The following NCOA2 variants were observed in gnomAD, a reference collection of about 807,000 sequenced individuals.
The protein encoded by NCOA2 is nuclear receptor coactivator 2.
In NCOA2, 21 loss-of-function variants were observed where a neutral mutation model predicts 145.1. The ratio of observed to expected loss-of-function variants is 0.14; its 90% CI spans 0.10 to 0.21. NCOA2 has a LOEUF of 0.21. Ranked by LOEUF, NCOA2 falls within the 10% of genes least tolerant of loss-of-function variation. The pLI, the probability that NCOA2 is intolerant of heterozygous loss-of-function variation, is 1.00. For missense variants in NCOA2, 1,472 were observed against 1,837.6 expected, an observed-to-expected ratio of 0.80 and a Z score of 3.64; for synonymous variants, 619 against 637.5, an observed-to-expected ratio of 0.97 and a Z score of 0.44.
At chr8:70,360,888 A>C (rs912237362) in intron 1 of NCOA2, among the ~76,000 whole-genome samples, 4 of 151,252 alleles carry the variant, frequency 2.6e-5, no homozygotes, top group Non-Finnish European at 5.9e-5. Flanking sequence ...CAGTGAGCCA[A>C]GATCACACCA....
At chr8:70,309,397 G>A (rs1828132981) in intron 1 of NCOA2, among the ~76,000 whole-genome samples, 1 of 148,996 alleles carries the variant, frequency 6.7e-6, no homozygotes, top group African/African-American at 2.5e-5. Flanking sequence ...ATCTCGGGCA[G>A]ACAAGCTGGA....
chr8:70,320,956 TTTA>T (rs1313159327), intron 1 of NCOA2, among the ~76,000 whole-genome samples: 2 of 152,138 alleles, frequency 1.3e-5, no homozygotes, highest in Non-Finnish European at 2.9e-5. Flanking sequence ...TTGAAATCCT[TTTA>T]TTATCACACT....
At chr8:70,144,963 C>A in intron 12 of NCOA2, 115 bp from the exon 13 acceptor site, 1 of 867,328 alleles carries the variant, frequency 1.2e-6, no homozygotes, top group Non-Finnish European at 1.8e-6. Flanking sequence ...TGTCAGGGAC[C>A]AACTACCTAG....
intron 1 of NCOA2, among the ~76,000 whole-genome samples, chr8:70,305,033 T>C (rs899768236): frequency 1.7e-4 from 26 of 150,674 alleles, no homozygotes; most frequent in Admixed American, 1.5e-3. Flanking sequence ...CTGATTTTCA[T>C]ATTTATTTAT....
At chr8:70,284,262 G>C (rs1202632154) in intron 2 of NCOA2, among the ~76,000 whole-genome samples, 2 of 152,118 alleles carry the variant, frequency 1.3e-5, no homozygotes, top group African/African-American at 4.8e-5. Flanking sequence ...GCCCTCCTTG[G>C]ATACAAATTT....
At chr8:70,430,485 C>A in the NCOA2 span, among the ~76,000 whole-genome samples, 1 of 152,006 alleles carries the variant, frequency 6.6e-6, no homozygotes, top group Non-Finnish European at 1.5e-5. Context: ...ATCCTTGAAA[C>A]CGCCACCTTG....
At chr8:70,409,451 A>C in the NCOA2 span, among the ~76,000 whole-genome samples, 6 of 152,230 alleles carry the variant, frequency 3.9e-5, no homozygotes, top group Non-Finnish European at 8.8e-5. Flanking sequence ...AATTCAATGG[A>C]AAAAGGAAAG....
intron 20 of NCOA2, among the ~76,000 whole-genome samples, 156 bp downstream of exon 20, chr8:70,124,532 T>C (rs1563483518): frequency 6.6e-6 from 1 of 152,064 alleles, no homozygotes; most frequent in Non-Finnish European, 1.5e-5. Context: ...CAATTTATGA[T>C]AGAAATTGCT....
chr8:70,343,302 T>C (rs1586551390), intron 1 of NCOA2, among the ~76,000 whole-genome samples: 1 of 152,144 alleles, frequency 6.6e-6, no homozygotes, highest in Non-Finnish European at 1.5e-5. Context: ...CATAATATCC[T>C]TCCTAGAAGG....
At chr8:70,356,862 C>G (rs999886193) in intron 1 of NCOA2, among the ~76,000 whole-genome samples, 1 of 152,200 alleles carries the variant, frequency 6.6e-6, no homozygotes, top group Non-Finnish European at 1.5e-5. Context: ...AAAAAGACTA[C>G]TTGTTTTTAC....
intron 1 of NCOA2, among the ~76,000 whole-genome samples, chr8:70,328,983 T>TCA (rs112454602): frequency 0.05 from 7,543 of 152,200 alleles, 273 homozygotes; most frequent in East Asian, 0.16. Context: ...AGACAGGATC[T>TCA]CACACTCTGT....
chr8:70,207,264 G>A (rs1818539461), intron 4 of NCOA2, among the ~76,000 whole-genome samples: 1 of 152,210 alleles, frequency 6.6e-6, no homozygotes, highest in African/African-American at 2.4e-5. Flanking sequence ...AACAAGGGAT[G>A]TCTACTTTCT....
chr8:70,395,097 G>C (rs1181127555), intron 1 of NCOA2, among the ~76,000 whole-genome samples: 1 of 152,180 alleles, frequency 6.6e-6, no homozygotes, highest in Admixed American at 6.5e-5. Context: ...CCGTAATCTT[G>C]ATTGTATTCT....
At chr8:70,416,989 T>C in the NCOA2 span, among the ~76,000 whole-genome samples, 468 of 152,106 alleles carry the variant, frequency 3.1e-3, 5 homozygotes, top group African/African-American at 0.011. Context: ...TAAGGGGATA[T>C]GGGAGGAAAG....
chr8:70,115,008 A>C (rs539553182), intron 22 of NCOA2, among the ~76,000 whole-genome samples: 5 of 152,196 alleles, frequency 3.3e-5, no homozygotes, highest in Admixed American at 6.5e-5. Flanking sequence ...TTATAATATA[A>C]AGCTGAATAG....
chr8:70,272,090 C>T (rs1309823269), intron 2 of NCOA2, among the ~76,000 whole-genome samples: 1 of 152,192 alleles, frequency 6.6e-6, no homozygotes, highest in African/African-American at 2.4e-5. Context: ...CATACAAACA[C>T]TTGAAAAATA....
At chr8:70,326,231 C>T (rs186864033) in intron 1 of NCOA2, among the ~76,000 whole-genome samples, 67 of 152,086 alleles carry the variant, frequency 4.4e-4, no homozygotes, top group South Asian at 6.2e-4. Flanking sequence ...ATCCTCTTAC[C>T]CTTTATAATT....
chr8:70,196,523 GTGCTGTT>G (rs1321013155), intron 4 of NCOA2, among the ~76,000 whole-genome samples: 1 of 152,186 alleles, frequency 6.6e-6, no homozygotes, highest in East Asian at 1.9e-4. Flanking sequence ...TGACCTAAAG[GTGCTGTT>G]TGCTATAGTG....
At chr8:70,282,415 G>A (rs1344494365) in intron 2 of NCOA2, among the ~76,000 whole-genome samples, 3 of 152,204 alleles carry the variant, frequency 2.0e-5, no homozygotes, top group Non-Finnish European at 4.4e-5. Context: ...GCCGGGCACG[G>A]AGGCTCATGC....
Sources: allele counts gnomAD v4.1 joint callset (sites outside exome capture counted in the v4.1 genomes callset), GRCh38; gene constraint gnomAD v4.1.1; transcripts MANE v1.5; gene names NCBI Gene and HGNC (gene_info 2026-07-23, HGNC 2026-07-21).